The following TMOD4 variants were observed in gnomAD, a reference collection of about 807,000 sequenced individuals.
The protein encoded by TMOD4 is tropomodulin-4.
Under a neutral mutation model 45.4 loss-of-function variants are expected in TMOD4, and 34 were observed. The ratio of observed to expected loss-of-function variants is 0.75; its 90% CI spans 0.57 to 1.00. The LOEUF (loss-of-function observed/expected upper bound fraction) is 1.00. Among genes scored for constraint, TMOD4 ranks in the 50% least tolerant of loss-of-function variants. The pLI is 0.00. For synonymous variants in TMOD4, 131 were observed against 153.9 expected (o/e 0.85, Z 1.10); for missense variants, 399 against 437.5 (o/e 0.91, Z 0.78).
chr1:151,170,880 A>G, intron 8 of TMOD4, 40 bp downstream of exon 8: 1 of 1,606,918 alleles, frequency 6.2e-7, no homozygotes, highest in Non-Finnish European at 8.5e-7. Context: ...AGGAGACTCA[A>G]TGAGACTGAA....
Position 151,174,504 on chromosome 1 carries a change from T to G in TMOD4, c.167A>C (p.Lys56Thr), listed in dbSNP as rs931314749. The change falls in exon 3 of 10, where the codon AAG (lysine) becomes ACG (threonine). Residue 56 changes from lysine (K) to threonine (T), a missense_variant. Transcript: ENST00000295314. ...PAGLRQRDQT[K>T]KSPTGPLDRE... is the part of the protein sequence containing the mutation. ...GTCCAGTGGCCCCGTTGGGCTCTTC[T>G]TTGTCTGGTCACGTTGTCTTAGTCC... The G allele has an allele frequency of 4.3e-6, 7 of 1,614,062 alleles. No homozygotes were observed. In the African/African-American group the frequency reaches 9.3e-5, roughly 22 times the overall value.
chr1:151,170,076 C>T lies in TMOD4; in HGVS notation c.*5G>A. ...CAGCGCTAGTTGGTAAAGGGAAATG[C>T]AGTGTTATCTCTTCTTTTGCTGGCG... On this transcript the variant is annotated 3_prime_UTR_variant, in exon 10 of 10. Coordinates refer to ENST00000295314, the MANE Select transcript of TMOD4 (RefSeq NM_013353.3). 1 of 1,614,116 alleles carries T rather than the reference C, an allele frequency of 6.2e-7. No individual in the cohort carries two copies. The highest frequency in any genetic ancestry group is 8.5e-7 in the Non-Finnish European group (1 of 1,179,966).
Position 151,170,572 on chromosome 1 carries a change from T to C in TMOD4, c.962A>G (p.Gln321Arg). The C allele has an allele frequency of 1.2e-6, 2 of 1,614,202 alleles. No homozygotes were observed. The highest frequency in any genetic ancestry group is 1.7e-6 in the Non-Finnish European group (2 of 1,180,034). ...GGCTGCCCGAGCTCGTGGCCCCTGC[T>C]GTGTAAAGTGGTAGCCAAAGCGGAC... ...SIVRFGYHFT[Q>R]QGPRARAAQA... The change falls in exon 9 of 10, where the codon CAG (glutamine) becomes CGG (arginine). Residue 321 changes from glutamine (Q) to arginine (R), a missense_variant. Gln to Arg is a conservative substitution (Grantham distance 43). Coordinates refer to ENST00000295314, the MANE Select transcript of TMOD4 (RefSeq NM_013353.3).
chr1:151,172,912 C>G (rs375401221), intron 4 of TMOD4, among the ~76,000 whole-genome samples: 4 of 152,202 alleles, frequency 2.6e-5, no homozygotes, highest in Non-Finnish European at 2.9e-5. Context: ...AGCTCGGCCT[C>G]CTGGGTTCAC....
intron 1 of TMOD4, 123 bp downstream of exon 1, chr1:151,175,801 C>T (rs41269648): frequency 6.6e-6 from 1 of 152,166 alleles, no homozygotes; most frequent in African/African-American, 2.4e-5. Context: ...GGCACAGTGG[C>T]AGAAATATAC....
chr1:151,175,532 G>C (rs1684075418), intron 1 of TMOD4: 1 of 152,280 alleles, frequency 6.6e-6, no homozygotes, highest in African/African-American at 2.4e-5. Context: ...GGGACTTCCA[G>C]GTTGGGGGAA....
At position 151,172,265 on chromosome 1, in the gene TMOD4, C is replaced by T. The variant is rs1190849349; in HGVS notation, c.487+3G>A. The T allele has an allele frequency of 4.3e-6, 7 of 1,611,846 alleles. No individual in the cohort carries two copies. The highest frequency in any genetic ancestry group is 5.9e-6 in the Non-Finnish European group (7 of 1,178,398). ...GGGGACCATGCTCCCCAAACACACT[C>T]ACTGCTAATGCCTTCAGTGTTGCAG... On this transcript the variant is annotated splice_donor_region_variant and intron_variant, in intron 5 of 9. Coordinates refer to ENST00000295314, the MANE Select transcript of TMOD4 (RefSeq NM_013353.3).
intron 4 of TMOD4, among the ~76,000 whole-genome samples, chr1:151,172,702 G>A (rs913915386): frequency 6.6e-6 from 1 of 152,000 alleles, no homozygotes; most frequent in African/African-American, 2.4e-5. Flanking sequence ...GTGCGATCTT[G>A]GCTCACTGCC....
intron 9 of TMOD4, chr1:151,170,306 T>G (rs587729101): frequency 1.9e-4 from 161 of 842,188 alleles, no homozygotes; most frequent in Admixed American, 7.7e-4. Context: ...AGTATGATTA[T>G]CTCTGGCATC....
At chr1:151,171,838 CTTTT>C (rs200165349) in intron 5 of TMOD4, 75 bp from the exon 6 acceptor site, 86 of 1,298,878 alleles carry the variant, frequency 6.6e-5, no homozygotes, top group Middle Eastern at 5.3e-4. Context: ...CTTTTCTTTT[CTTTT>C]TTTTTTTTTT....
Position 151,170,554 on chromosome 1 carries a change from C to G in TMOD4, c.980G>C (p.Arg327Pro). 6.2e-7 allele frequency: 1 copy of G among 1,614,198 alleles called. No homozygotes were observed. The change falls in exon 9 of 10, where the codon CGG (arginine) becomes CCG (proline). Residue 327 changes from arginine to proline, a missense_variant. Coordinates refer to ENST00000295314, the MANE Select transcript of TMOD4 (RefSeq NM_013353.3). Reference protein sequence around the residue: ...YHFTQQGPRARAAQAMTRNNE... With the variant: ...YHFTQQGPRAPAAQAMTRNNE... Reference sequence around the variant, plus strand: ...GTTTCGGGTCATGGCCTGGGCTGCCCGAGCTCGTGGCCCCTGCTGTGTAAA... The same window carrying G: ...GTTTCGGGTCATGGCCTGGGCTGCCGGAGCTCGTGGCCCCTGCTGTGTAAA...
intron 3 of TMOD4, 63 bp from the exon 4 acceptor site, chr1:151,173,678 G>A (rs1040626580): frequency 7.6e-7 from 1 of 1,314,872 alleles, no homozygotes; most frequent in African/African-American, 1.5e-5. Context: ...TGGCCTCCAG[G>A]TTTCCTTCCT....
At chr1:151,175,578 C>T (rs1306063276) in intron 1 of TMOD4, 1 of 152,126 alleles carries the variant, frequency 6.6e-6, no homozygotes, top group African/African-American at 2.4e-5. Context: ...CATAATCTGT[C>T]CCTTGCTTTG....
chr1:151,174,825 A>G lies in TMOD4; in HGVS notation c.51T>C (p.Asp17=). 1 of 1,614,012 alleles carries G rather than the reference A, an allele frequency of 6.2e-7. No homozygotes were observed. Among genetic ancestry groups the G allele is most frequent in the South Asian group, 1.1e-5 (1 of 91,080 alleles). ...CGGGGCTCAAGGTCCTTAGGATCTC[A>G]TCTTCATCTATGTCTCTGTATTTCT... ...ELEKYRDIDE[D]EILRTLSPEE... is the part of the protein sequence containing the mutation. The change falls in exon 2 of 10, where the codon GAT becomes GAC. Residue 17 remains aspartate (D), a synonymous_variant. Coordinates refer to ENST00000295314, the MANE Select transcript of TMOD4 (RefSeq NM_013353.3).
At chr1:151,174,628 C>T in intron 2 of TMOD4, 81 bp from the exon 3 acceptor site, 3 of 1,594,094 alleles carry the variant, frequency 1.9e-6, no homozygotes, top group Non-Finnish European at 2.6e-6. Flanking sequence ...CATCACCGGA[C>T]ACCTTTCCCC....
rs918118320 is a variant in TMOD4, at chr1:151,170,905, G to A, written c.870+15C>T. 1.9e-6 allele frequency: 3 copies of A among 1,613,450 alleles called. No individual in the cohort carries two copies. The African/African-American group carries it at 4.0e-5, about 22-fold the overall frequency. ...ATGAGACTGAATGCTAACATCAGGG[G>A]AAGGGAATGCTGACCTGATTGTCTA... is the stretch of plus-strand genomic sequence containing the variant. On this transcript the variant is annotated intron_variant, in intron 8 of 9. Transcript: ENST00000295314.
At position 151,172,252 on chromosome 1, in the gene TMOD4, C is replaced by A; in HGVS notation, c.487+16G>T. 1 of 1,606,982 alleles carries A rather than the reference C, an allele frequency of 6.2e-7. No homozygotes were observed. Among genetic ancestry groups the A allele is most frequent in the Middle Eastern group, 1.8e-4 (1 of 5,594 alleles). ...TGCCCAGAGCCCTGGGGACCATGCT[C>A]CCCAAACACACTCACTGCTAATGCC... is the stretch of plus-strand genomic sequence containing the variant. On this transcript the variant is annotated intron_variant, in intron 5 of 9. Coordinates refer to ENST00000295314, the MANE Select transcript of TMOD4 (RefSeq NM_013353.3).
In TMOD4 at chr1:151,170,536, G is replaced by C; in HGVS notation, c.998C>G (p.Thr333Ser). ...GPRARAAQAM[T>S]RNNELRRQQK... ...TTACTCACGTAGTTCATTGTTTCGG[G>C]TCATGGCCTGGGCTGCCCGAGCTCG... is the stretch of plus-strand genomic sequence containing the variant. Residue 333 changes from threonine (T) to serine (S), a missense_variant, in exon 9 of 10, where the codon ACC becomes AGC. By Grantham distance (58) the Thr-to-Ser change is moderately conservative (BLOSUM62 1). Transcript: ENST00000295314. 6.2e-7 allele frequency: 1 copy of C among 1,614,200 alleles called. No individual in the cohort carries two copies. Among genetic ancestry groups the C allele is most frequent in the Non-Finnish European group, 8.5e-7 (1 of 1,180,040 alleles).
chr1:151,174,026 T>C lies in TMOD4; in HGVS notation c.280+365A>G, dbSNP rs587644167. Among the ~76,000 whole-genome samples, 16 of 152,098 alleles carry C rather than the reference T, an allele frequency of 1.1e-4. No homozygotes were observed. In the East Asian group the frequency reaches 1.4e-3, roughly 13 times the overall value. ...GTCAGGAGATCGAGACCATCCTGGCTAACACAGTGAAACCCCATCTCTACT... is the reference window on the plus strand; with the variant it reads ...GTCAGGAGATCGAGACCATCCTGGCCAACACAGTGAAACCCCATCTCTACT... On this transcript the variant is annotated intron_variant, in intron 3 of 9. Transcript: ENST00000295314.
Sources: gnomAD v4.1 joint callset for allele counts (sites outside exome capture counted in the v4.1 genomes callset) on GRCh38, gnomAD v4.1.1 for gene constraint, MANE v1.5 for transcripts, NCBI Gene and HGNC (gene_info 2026-07-23, HGNC 2026-07-21) for gene names.